The following MGA variants were observed in gnomAD, a reference collection of about 807,000 sequenced individuals.
MGA encodes the protein MAX gene-associated protein.
Under a neutral mutation model 261.1 loss-of-function variants are expected in MGA, and 40 were observed. The observed-to-expected ratio is 0.15, with a 90% CI of 0.12 to 0.20. The LOEUF (loss-of-function observed/expected upper bound fraction) is 0.20, where lower values mean the gene tolerates loss of function less well. MGA is among the 10% of genes least tolerant of loss of function. The pLI is 1.00. For missense variants in MGA, 3,397 were observed against 3,630.5 expected, an observed-to-expected ratio of 0.94 and a Z score of 1.65; for synonymous variants, 1,302 against 1,290.6, an observed-to-expected ratio of 1.01 and a Z score of -0.19.
At chr15:41,649,654 A>T (rs1476804653) in intron 1 of MGA, among the ~76,000 whole-genome samples, 1 of 152,020 alleles carries the variant, frequency 6.6e-6, no homozygotes, top group Non-Finnish European at 1.5e-5. Flanking sequence ...TCTTATTGTC[A>T]TCTTCCACAC....
intron 1 of MGA, among the ~76,000 whole-genome samples, chr15:41,653,992 T>C (rs1370085728): frequency 6.6e-6 from 1 of 152,206 alleles, no homozygotes; most frequent in Non-Finnish European, 1.5e-5. Flanking sequence ...CTGTTTTCAG[T>C]GTCTCCCCCA....
chr15:41,708,598 C>T (rs967840803), intron 7 of MGA, among the ~76,000 whole-genome samples: 3 of 152,172 alleles, frequency 2.0e-5, no homozygotes, highest in Admixed American at 6.5e-5. Flanking sequence ...GGATTACAGG[C>T]GTGAGCTGCC....
At chr15:41,681,637 A>G (rs2058686314) in intron 2 of MGA, among the ~76,000 whole-genome samples, 1 of 151,800 alleles carries the variant, frequency 6.6e-6, no homozygotes, top group Non-Finnish European at 1.5e-5. Context: ...TTTTGTAGAG[A>G]TAGGATTTCA....
intron 1 of MGA, among the ~76,000 whole-genome samples, chr15:41,640,814 CCCT>C (rs980199950): frequency 8.5e-5 from 13 of 152,146 alleles, no homozygotes; most frequent in East Asian, 1.9e-4. Context: ...ACTGCGCCTG[CCCT>C]CCTCTTAGTT....
chr15:41,675,653 G>C (rs1012129283), intron 2 of MGA, among the ~76,000 whole-genome samples: 4 of 152,134 alleles, frequency 2.6e-5, no homozygotes, highest in African/African-American at 9.7e-5. Context: ...TTGGGATTAC[G>C]GGAGTGAGCC....
intron 1 of MGA, among the ~76,000 whole-genome samples, chr15:41,623,777 T>TA (rs1566917985): frequency 2.1e-3 from 51 of 24,808 alleles, no homozygotes; most frequent in African/African-American, 3.0e-3. Context: ...ATATATATAT[T>TA]TTTTTTTTTT....
intron 2 of MGA, among the ~76,000 whole-genome samples, chr15:41,687,301 T>G (rs1279473427): frequency 6.6e-6 from 1 of 152,146 alleles, no homozygotes; most frequent in Non-Finnish European, 1.5e-5. Context: ...TTTCAGTGAT[T>G]GGGGAAAAAA....
intron 18 of MGA, 147 bp from the exon 19 acceptor site, chr15:41,757,641 T>C (rs1422600603): frequency 3.9e-6 from 2 of 512,624 alleles, no homozygotes; most frequent in Non-Finnish European, 7.1e-6. Flanking sequence ...AGAGAAAATA[T>C]ATAATGTCAA....
At chr15:41,727,599 A>C (rs1364788035) in intron 10 of MGA, among the ~76,000 whole-genome samples, 193 bp downstream of exon 10, 1 of 152,234 alleles carries the variant, frequency 6.6e-6, no homozygotes, top group Non-Finnish European at 1.5e-5. Context: ...AGAAATGAGT[A>C]GTAGTAATTT....
Position 41,750,017 on chromosome 15 carries a change from A to G in MGA, c.6410A>G (p.Glu2137Gly), listed in dbSNP as rs1429681077. The G allele has an allele frequency of 6.2e-7, 1 of 1,613,168 alleles. No homozygotes were observed. The highest frequency in any genetic ancestry group is 1.7e-5 in the Admixed American group (1 of 59,770). The stretch of plus-strand genomic sequence containing the variant: ...GAATTTCCAGTCACCTTTAAGGAAG[A>G]AAGTAAATTTGAATTGTCAGGAAGC... Residue 2137 changes from glutamate to glycine, a missense_variant, in exon 17 of 24, where the codon GAA becomes GGA. Physicochemically the swap from Glu to Gly is moderately conservative, Grantham distance 98. Coordinates refer to ENST00000219905, the MANE Select transcript of MGA (RefSeq NM_001164273.2).
intron 1 of MGA, among the ~76,000 whole-genome samples, chr15:41,648,847 G>T (rs1178405015): frequency 6.6e-6 from 1 of 152,154 alleles, no homozygotes; most frequent in Non-Finnish European, 1.5e-5. Flanking sequence ...ACTGATTTAT[G>T]TTTAGAAAGG....
chr15:41,637,561 C>T lies in MGA; in HGVS notation c.-68+16263C>T, dbSNP rs573066906. Among the ~76,000 whole-genome samples, 21 of 152,118 alleles carry T rather than the reference C, an allele frequency of 1.4e-4. No individual in the cohort carries two copies. The East Asian group carries it at 1.7e-3, about 13-fold the overall frequency. On this transcript the variant is annotated intron_variant, in intron 1 of 8. Transcript: ENST00000566718. ...TCCCAGAAGGAATGTGGTGAAAAGCCGATTGTGTCCAACGACTCCTGTGAT... is the reference window on the plus strand; with the variant it reads ...TCCCAGAAGGAATGTGGTGAAAAGCTGATTGTGTCCAACGACTCCTGTGAT...
intron 1 of MGA, among the ~76,000 whole-genome samples, chr15:41,625,220 A>G (rs1235071597): frequency 6.6e-6 from 1 of 152,218 alleles, no homozygotes; most frequent in East Asian, 1.9e-4. Flanking sequence ...AAAGATTGAT[A>G]CAGTTATTAC....
intron 6 of MGA, 114 bp downstream of exon 6, chr15:41,707,973 A>G (rs2060202742): frequency 1.9e-5 from 26 of 1,396,332 alleles, no homozygotes; most frequent in Non-Finnish European, 2.5e-5. Flanking sequence ...TCTAAGATAG[A>G]TCTTTTGTCT....
At chr15:41,743,528 G>A (rs1034778808) in intron 15 of MGA, among the ~76,000 whole-genome samples, 6 of 152,224 alleles carry the variant, frequency 3.9e-5, no homozygotes, top group African/African-American at 1.4e-4. Flanking sequence ...TGGAAGTGGT[G>A]GCTGAAGGAT....
intron 11 of MGA, among the ~76,000 whole-genome samples, chr15:41,729,852 ATTC>A (rs900747903): frequency 6.6e-5 from 10 of 151,918 alleles, no homozygotes; most frequent in African/African-American, 2.4e-4. Flanking sequence ...TATGTATATT[ATTC>A]TTTCTTTTTC....
intron 9 of MGA, among the ~76,000 whole-genome samples, chr15:41,720,798 A>G (rs975428446): frequency 6.6e-6 from 1 of 152,146 alleles, no homozygotes; most frequent in Non-Finnish European, 1.5e-5. Flanking sequence ...GCACTGTTGC[A>G]CTGGACGACA....
chr15:41,696,425 A>C lies in MGA; in HGVS notation c.1415A>C (p.Glu472Ala). 6.2e-7 allele frequency: 1 copy of C among 1,614,000 alleles called. No individual in the cohort carries two copies. The highest frequency in any genetic ancestry group is 8.5e-7 in the Non-Finnish European group (1 of 1,179,886). The change falls in exon 3 of 24, where the codon GAG becomes GCG. Residue 472 changes from glutamate to alanine, a missense_variant. Glu to Ala is a moderately radical substitution (Grantham distance 107, BLOSUM62 -1). This residue lies in a region of MGA where 563 missense variants were observed against 563.6 expected (regional missense o/e 1.00). Transcript: ENST00000219905. ...GGAAAGATGCCAGTAGTCTATCTGGAGCCCTGTGCTGTCACCAGAAGCACA... is the reference window on the plus strand; with the variant it reads ...GGAAAGATGCCAGTAGTCTATCTGGCGCCCTGTGCTGTCACCAGAAGCACA...
intron 1 of MGA, among the ~76,000 whole-genome samples, chr15:41,623,659 G>A (rs951283043): frequency 7.9e-5 from 12 of 151,490 alleles, no homozygotes; most frequent in African/African-American, 2.4e-4. Context: ...CCGGGGAGGC[G>A]GAGGTTGCGG....
Sources: gnomAD v4.1 joint callset for allele counts (sites outside exome capture counted in the v4.1 genomes callset) on GRCh38, gnomAD v4.1.1 for gene constraint, gnomAD v4.1.1 regional missense constraint, MANE v1.5 for transcripts, NCBI Gene and HGNC (gene_info 2026-07-23, HGNC 2026-07-21) for gene names.